IGDCC4: variants seen among roughly 807,000 people sequenced by gnomAD.
IGDCC4 encodes immunoglobulin superfamily DCC subclass member 4, also known as likely ortholog of mouse neighbor of Punc E11.
A neutral mutation model predicts 116.6 loss-of-function variants in IGDCC4; 72 were observed. The observed-to-expected ratio is 0.62, with a 90% confidence interval of 0.51 to 0.75. The LOEUF (loss-of-function observed/expected upper bound fraction) is 0.75. Ranked by LOEUF, IGDCC4 falls within the 30% of genes least tolerant of loss-of-function variation. The pLI is 0.00. For synonymous variants in IGDCC4, 709 were observed against 719.9 expected (o/e 0.98, Z 0.24); for missense variants, 1,501 against 1,662.4 (o/e 0.90, Z 1.69).
At chr15:65,390,998 C>T (rs908123422) in intron 12 of IGDCC4, among the ~76,000 whole-genome samples, 2 of 152,078 alleles carry the variant, frequency 1.3e-5, no homozygotes, top group African/African-American at 4.8e-5. Context: ...GTTGGGAGGC[C>T]AAGATGGGTG....
At chr15:65,388,069 T>C (rs1026190703) in intron 16 of IGDCC4, among the ~76,000 whole-genome samples, 2 of 151,750 alleles carry the variant, frequency 1.3e-5, no homozygotes, top group Non-Finnish European at 2.9e-5. Flanking sequence ...CATGGTGAAA[T>C]CCTGTCTCTA....
chr15:65,399,873 T>C (rs2062968223), intron 5 of IGDCC4, among the ~76,000 whole-genome samples: 1 of 152,240 alleles, frequency 6.6e-6, no homozygotes, highest in Non-Finnish European at 1.5e-5. Context: ...AAGAACTGGA[T>C]TTAAAACTTA....
chr15:65,399,769 T>C (rs982423491), intron 5 of IGDCC4, among the ~76,000 whole-genome samples: 2 of 152,202 alleles, frequency 1.3e-5, no homozygotes, highest in African/African-American at 4.8e-5. Flanking sequence ...CTTTAAACTA[T>C]ATATATTCGT....
At chr15:65,422,315 A>G (rs1015633569) in intron 1 of IGDCC4, among the ~76,000 whole-genome samples, 3 of 151,954 alleles carry the variant, frequency 2.0e-5, no homozygotes, top group African/African-American at 7.3e-5. Context: ...TCAGCCCCAT[A>G]AACACAATTG....
intron 3 of IGDCC4, among the ~76,000 whole-genome samples, chr15:65,408,085 A>T (rs921413616): frequency 7.2e-5 from 11 of 152,200 alleles, no homozygotes; most frequent in African/African-American, 2.4e-4. Context: ...TATGAATTTT[A>T]AAAATGCATC....
At chr15:65,408,914 G>C (rs1250823917) in intron 3 of IGDCC4, among the ~76,000 whole-genome samples, 5 of 148,654 alleles carry the variant, frequency 3.4e-5, no homozygotes, top group African/African-American at 1.2e-4. Context: ...CATTATTCCA[G>C]CTCACTGTAG....
intron 6 of IGDCC4, 55 bp from the exon 7 acceptor site, chr15:65,396,218 C>CT: frequency 1.6e-6 from 2 of 1,245,236 alleles, no homozygotes; most frequent in African/African-American, 4.5e-5. Context: ...AGGTCTCTGC[C>CT]CCCCCCCCAG....
intron 1 of IGDCC4, among the ~76,000 whole-genome samples, chr15:65,418,930 G>A (rs536999362): frequency 4.7e-4 from 71 of 152,282 alleles, no homozygotes; most frequent in South Asian, 8.3e-4. Context: ...AGTGCAAAGA[G>A]AGTGAACTTG....
chr15:65,392,265 T>C lies in IGDCC4; in HGVS notation c.1991A>G (p.Tyr664Cys). 1 of 1,610,400 alleles carries C rather than the reference T, an allele frequency of 6.2e-7. No individual in the cohort carries two copies. Among genetic ancestry groups the C allele is most frequent in the Non-Finnish European group, 8.5e-7 (1 of 1,178,148 alleles). Reference sequence around the variant, plus strand: ...CTCCTCAGCCCCCACCTCCCGCCAATATAGTTTGTAGCCAGAGATCTGGGT... The same window carrying C: ...CTCCTCAGCCCCCACCTCCCGCCAACATAGTTTGTAGCCAGAGATCTGGGT... ...HPTQISGYKLYWREVGAEEEA... is the reference protein window; with the variant it reads ...HPTQISGYKLCWREVGAEEEA... Residue 664 changes from tyrosine (Y) to cysteine (C), a missense_variant, in exon 11 of 20, where the codon TAT becomes TGT. Coordinates refer to ENST00000352385, the MANE Select transcript of IGDCC4 (RefSeq NM_020962.3).
intron 1 of IGDCC4, among the ~76,000 whole-genome samples, chr15:65,414,095 G>A (rs1031457909): frequency 2.6e-5 from 4 of 152,200 alleles, no homozygotes; most frequent in African/African-American, 9.7e-5. Context: ...TGGACACACA[G>A]GTCAACATTT....
At position 65,388,889 on chromosome 15, in the gene IGDCC4, C is replaced by A. The variant is rs138139328; in HGVS notation, c.2626G>T (p.Gly876Trp). Residue 876 changes from glycine (G) to tryptophan (W), a missense_variant, in exon 15 of 20, where the codon GGG (glycine) becomes TGG (tryptophan). Gly to Trp is a radical substitution (Grantham distance 184). Coordinates refer to ENST00000352385, the MANE Select transcript of IGDCC4 (RefSeq NM_020962.3). ...AGGATCAGATACTCCACGATCTCCCCGTTGGGCTCTGTGGGGGGGCACCAG... is the reference window on the plus strand; with the variant it reads ...AGGATCAGATACTCCACGATCTCCCAGTTGGGCTCTGTGGGGGGGCACCAG... Reference protein sequence around the residue: ...LHWCPPTEPNGEIVEYLILYS... With the variant: ...LHWCPPTEPNWEIVEYLILYS... 6.2e-7 allele frequency: 1 copy of A among 1,613,900 alleles called. No homozygotes were observed. Among genetic ancestry groups the A allele is most frequent in the Non-Finnish European group, 8.5e-7 (1 of 1,179,998 alleles).
Position 65,400,921 on chromosome 15 carries a change from C to T in IGDCC4, c.726G>A (p.Gln242=), listed in dbSNP as rs1444352563. Residue 242 remains glutamine (Q), a synonymous_variant, in exon 5 of 20, where the codon CAG becomes CAA. Coordinates refer to ENST00000352385, the MANE Select transcript of IGDCC4 (RefSeq NM_020962.3). ...CTGGGGCTGCCACAATGACCACGTC[C>T]TGCCCCCTGGTGGACGCCAGGGACC... ...HRGSLASTRG[Q]DVVIVAAPEN... is the part of the protein sequence containing the mutation. 6 of 1,614,060 alleles carry T rather than the reference C, an allele frequency of 3.7e-6. No homozygotes were observed. The highest frequency in any genetic ancestry group is 5.1e-6 in the Non-Finnish European group (6 of 1,180,044).
At chr15:65,404,422 T>C (rs564172811) in intron 3 of IGDCC4, among the ~76,000 whole-genome samples, 43 of 152,112 alleles carry the variant, frequency 2.8e-4, no homozygotes, top group African/African-American at 9.9e-4. Context: ...AAAGGACGAA[T>C]TGGGGAAGGA....
chr15:65,410,517 C>T, intron 2 of IGDCC4, 198 bp from the exon 3 acceptor site: 1 of 615,018 alleles, frequency 1.6e-6, no homozygotes, highest in East Asian at 2.8e-5. Flanking sequence ...AGAATGAATT[C>T]CAAAGCCCCC....
At chr15:65,411,456 G>C in intron 1 of IGDCC4, 86 bp from the exon 2 acceptor site, 1 of 1,193,490 alleles carries the variant, frequency 8.4e-7, no homozygotes, top group Non-Finnish European at 1.1e-6. Flanking sequence ...TGCAGGGGCT[G>C]GGGCAAATCA....
At chr15:65,396,338 T>A in intron 6 of IGDCC4, 175 bp from the exon 7 acceptor site, 1 of 738,946 alleles carries the variant, frequency 1.4e-6, no homozygotes, top group Non-Finnish European at 2.4e-6. Flanking sequence ...ACCTACCCTT[T>A]CTTCTCCCCA....
rs1377025652 is a variant in IGDCC4, at chr15:65,385,887, C to A, written c.3124G>T (p.Val1042Leu). Residue 1042 changes from valine (V) to leucine (L), a missense_variant, in exon 18 of 20, where the codon GTG becomes TTG. Val to Leu is a conservative substitution (Grantham distance 32). Coordinates refer to ENST00000352385, the MANE Select transcript of IGDCC4 (RefSeq NM_020962.3). Reference protein sequence around the residue: ...PPSDVEDRAEVHSLMGGGVSE... With the variant: ...PPSDVEDRAELHSLMGGGVSE... ...ACACCGCCACCCATAAGGCTGTGCA[C>A]TTCAGCCCTGTCCTCCACGTCTGAG... is the stretch of plus-strand genomic sequence containing the variant. The A allele has an allele frequency of 6.2e-7, 1 of 1,612,880 alleles. No individual in the cohort carries two copies. Among genetic ancestry groups the A allele is most frequent in the Non-Finnish European group, 8.5e-7 (1 of 1,180,028 alleles).
chr15:65,388,926 C>T lies in IGDCC4; in HGVS notation c.2589G>A (p.Thr863=), dbSNP rs146084003. Residue 863 remains threonine (T), a synonymous_variant, in exon 15 of 20, where the codon ACG becomes ACA. Transcript: ENST00000352385. ...TGGGGGGGCACCAGTGCAGCCGAAC[C>T]GTGGACGGTGTCAGGGGGCTCAGTC... The part of the protein sequence containing the change: ...DLRLSPLTPS[T]VRLHWCPPTE... The T allele has an allele frequency of 5.0e-6, 8 of 1,612,986 alleles. No homozygotes were observed. Among genetic ancestry groups the T allele is most frequent in the African/African-American group, 4.0e-5 (3 of 74,830 alleles).
Position 65,402,358 on chromosome 15 carries a change from G to A in IGDCC4, c.693C>T (p.Ala231=). 1 of 1,568,132 alleles carries A rather than the reference G, an allele frequency of 6.4e-7. No homozygotes were observed. The highest frequency in any genetic ancestry group is 8.7e-7 in the Non-Finnish European group (1 of 1,155,694). The part of the protein sequence containing the change: ...HFSQEALLSV[A]HRGSLASTRG... ...CCCAGCCAGCCCCCTTACCTCTGTGGGCCACACTGAGTAGGGCCTCCTGGC... is the reference window on the plus strand; with the variant it reads ...CCCAGCCAGCCCCCTTACCTCTGTGAGCCACACTGAGTAGGGCCTCCTGGC... Residue 231 remains alanine (A), a synonymous_variant, in exon 4 of 20, where the codon GCC becomes GCT. Coordinates refer to ENST00000352385, the MANE Select transcript of IGDCC4 (RefSeq NM_020962.3).
Sources: allele counts gnomAD v4.1 joint callset (sites outside exome capture counted in the v4.1 genomes callset), GRCh38; gene constraint gnomAD v4.1.1; transcripts MANE v1.5; gene names NCBI Gene and HGNC (gene_info 2026-07-23, HGNC 2026-07-21).